Variants in USP34 observed in about 807,000 individuals in gnomAD.
USP34 encodes the protein ubiquitin specific peptidase 34.
Under a neutral mutation model 460.3 loss-of-function variants are expected in USP34, and 70 were observed. The ratio of observed to expected loss-of-function variants is 0.15; its 90% CI spans 0.13 to 0.19. The LOEUF (loss-of-function observed/expected upper bound fraction) is 0.19. Ranked by LOEUF, USP34 falls within the 10% of genes least tolerant of loss-of-function variation. USP34 has a pLI of 1.00. For missense variants in USP34, 3,985 were observed against 4,236.2 expected (o/e 0.94, Z 1.65); for synonymous variants, 1,647 against 1,405.3 (o/e 1.17, Z -3.85).
rs189611159 is a variant in USP34, at chr2:61,234,503, C to T, written c.7032+1342G>A. On this transcript the variant is annotated intron_variant, in intron 57 of 79. Transcript: ENST00000398571. ...GGTGGATAGGTGAATTTTTTTTTGG[C>T]GGGGAGAGTGGGGAAAGAGGAAGTG... Among the ~76,000 whole-genome samples, 15 of 151,554 alleles carry T rather than the reference C, an allele frequency of 9.9e-5. 1 individual carries two copies. In the East Asian group the frequency reaches 2.5e-3, roughly 25 times the overall value.
Position 61,247,805 on chromosome 2 carries a change from A to AT in USP34, c.6394+705dup, listed in dbSNP as rs543659812. On this transcript the variant is annotated intron_variant, in intron 49 of 79. Transcript: ENST00000398571. Reference sequence around the variant, plus strand: ...GGTCCATGTCCTACAACTTATTTTTATTTTTTTGAGACAGAGTCTCGCTCT... The same window carrying AT: ...GGTCCATGTCCTACAACTTATTTTTATTTTTTTTGAGACAGAGTCTCGCTCT... Among the ~76,000 whole-genome samples, 10 of 152,070 alleles carry AT rather than the reference A, an allele frequency of 6.6e-5. No homozygotes were observed. The South Asian group carries it at 1.7e-3, about 25-fold the overall frequency.
chr2:61,440,898 C>G (rs574733974), intron 1 of USP34, among the ~76,000 whole-genome samples: 1 of 151,434 alleles, frequency 6.6e-6, no homozygotes, highest in Non-Finnish European at 1.5e-5. Context: ...GAGGCCGAGA[C>G]GGGTGGATCA....
chr2:61,292,802 T>C (rs1433189554), intron 33 of USP34, among the ~76,000 whole-genome samples: 2 of 152,170 alleles, frequency 1.3e-5, no homozygotes, highest in Non-Finnish European at 2.9e-5. Context: ...TTGTATATCA[T>C]TATTAAGATT....
rs1034567224 is a variant in USP34, at chr2:61,348,475, G to A, written c.1680C>T (p.Ser560=). 3 of 1,607,742 alleles carry A rather than the reference G, an allele frequency of 1.9e-6. No individual in the cohort carries two copies. The highest frequency in any genetic ancestry group is 2.5e-6 in the Non-Finnish European group (3 of 1,177,050). The change falls in exon 15 of 80, where the codon TCC becomes TCT. Residue 560 remains serine, a synonymous_variant. Transcript: ENST00000398571. ...VQQRLSDTEE[S]MQGSSDETAN... is the part of the protein sequence containing the mutation. The stretch of plus-strand genomic sequence containing the variant: ...CAGTTTCGTCAGAACTTCCCTGCAT[G>A]GATTCCTGTATTTTGAAACAAATAG...
At chr2:61,261,126 T>C (rs1688866280) in intron 43 of USP34, among the ~76,000 whole-genome samples, 1 of 152,126 alleles carries the variant, frequency 6.6e-6, no homozygotes, top group Non-Finnish European at 1.5e-5. Context: ...AAACACACAA[T>C]TCCCATATGA....
intron 19 of USP34, among the ~76,000 whole-genome samples, chr2:61,332,187 TAGA>T (rs1001132894): frequency 1.3e-5 from 2 of 152,062 alleles, no homozygotes; most frequent in African/African-American, 4.8e-5. Context: ...GAAGGTTTAT[TAGA>T]AGAATCAAGG....
intron 1 of USP34, among the ~76,000 whole-genome samples, chr2:61,423,826 C>T (rs1362127887): frequency 6.6e-6 from 1 of 152,060 alleles, no homozygotes; most frequent in Non-Finnish European, 1.5e-5. Flanking sequence ...TGGCACATGC[C>T]TATAGTTCTA....
At chr2:61,406,615 A>G (rs145162101) in intron 2 of USP34, among the ~76,000 whole-genome samples, 75 of 151,954 alleles carry the variant, frequency 4.9e-4, no homozygotes, top group African/African-American at 1.7e-3. Flanking sequence ...TGGCAAATCA[A>G]AAGTGTTTAG....
At chr2:61,393,155 G>C (rs1393906980) in intron 5 of USP34, among the ~76,000 whole-genome samples, 1 of 152,114 alleles carries the variant, frequency 6.6e-6, no homozygotes, top group Non-Finnish European at 1.5e-5. Context: ...CTCAGATCAC[G>C]CAAAGTGGCT....
At position 61,288,583 on chromosome 2, in the gene USP34, G is replaced by A; in HGVS notation, c.4749+94C>T. 8.3e-6 allele frequency: 11 copies of A among 1,319,694 alleles called. No homozygotes were observed. In the South Asian group the frequency reaches 1.2e-4, roughly 15 times the overall value. The allele number at this position is 1,319,694 out of a possible 1,614,324, so 81.7% of individuals were successfully genotyped here. A position where few individuals can be genotyped will look rare whatever the true frequency, so the allele number is the denominator to read the frequency against. On this transcript the variant is annotated intron_variant, in intron 34 of 79. Coordinates refer to ENST00000398571, the MANE Select transcript of USP34 (RefSeq NM_014709.4). ...AGTTCAGCTGTCAGGTTAAGTCACA[G>A]TAATCTAGAATACATTTCTTAAGCA... is the stretch of plus-strand genomic sequence containing the variant.
chr2:61,259,886 G>A (rs745818013), intron 43 of USP34, 110 bp from the exon 44 acceptor site: 2 of 934,590 alleles, frequency 2.1e-6, no homozygotes, highest in Non-Finnish European at 3.1e-6. Context: ...TCATTCTTTT[G>A]GCTATATAAA....
chr2:61,395,035 A>T (rs181922165), intron 4 of USP34, 33 bp from the exon 5 acceptor site: 3 of 1,552,226 alleles, frequency 1.9e-6, no homozygotes, highest in Non-Finnish European at 2.6e-6. Flanking sequence ...TCATTATTTG[A>T]AAACGTACAA....
At chr2:61,396,019 T>TACACTCCATC (rs1693512538) in intron 3 of USP34, among the ~76,000 whole-genome samples, 1 of 150,066 alleles carries the variant, frequency 6.7e-6, no homozygotes, top group South Asian at 2.1e-4. Context: ...ATCACGCCAT[T>TACACTCCATC]ACACTCCATC....
chr2:61,286,588 G>A (rs1689697164), intron 34 of USP34, among the ~76,000 whole-genome samples: 1 of 152,146 alleles, frequency 6.6e-6, no homozygotes, highest in South Asian at 2.1e-4. Flanking sequence ...ACGGGAGGCA[G>A]AGGTTGCAGT....
Position 61,378,311 on chromosome 2 carries a change from C to A in USP34, c.1076+52G>T, listed in dbSNP as rs1013622401. ...TAAAAATTAGAATTTACCATATAAACAACTGTACATTAAAATGGTATACTT... is the reference window on the plus strand; with the variant it reads ...TAAAAATTAGAATTTACCATATAAAAAACTGTACATTAAAATGGTATACTT... On this transcript the variant is annotated intron_variant, in intron 8 of 79. Coordinates refer to ENST00000398571, the MANE Select transcript of USP34 (RefSeq NM_014709.4). The A allele has an allele frequency of 3.1e-6, 4 of 1,304,914 alleles. No individual in the cohort carries two copies. The East Asian group carries it at 9.9e-5, about 32-fold the overall frequency. 80.8% of individuals were successfully genotyped at this position (1,304,914 alleles called of 1,614,324 possible). A position where few individuals can be genotyped will look rare whatever the true frequency, so the allele number is the denominator to read the frequency against.
rs576119542 is a variant in USP34, at chr2:61,234,922, C to T, written c.7032+923G>A. Among the ~76,000 whole-genome samples the T allele has an allele frequency of 2.6e-5, 4 of 152,314 alleles. No individual in the cohort carries two copies. In the South Asian group the frequency reaches 8.3e-4, roughly 32 times the overall value. On this transcript the variant is annotated intron_variant, in intron 57 of 79. Coordinates refer to ENST00000398571, the MANE Select transcript of USP34 (RefSeq NM_014709.4). ...AAGTGCTGGGATTACAGGCGTGAGC[C>T]ACCATGCACAGTCCCAAGTTTCTGT... is the stretch of plus-strand genomic sequence containing the variant.
chr2:61,468,939 T>C (rs1191983946), intron 1 of USP34, among the ~76,000 whole-genome samples: 1 of 152,198 alleles, frequency 6.6e-6, no homozygotes, highest in Non-Finnish European at 1.5e-5. Flanking sequence ...CCAGGCGCAG[T>C]GGCTCACGCC....
intron 33 of USP34, 104 bp from the exon 34 acceptor site, chr2:61,288,981 A>G: frequency 8.6e-7 from 1 of 1,167,442 alleles, no homozygotes; most frequent in Middle Eastern, 2.6e-4. Flanking sequence ...AATTATAGCT[A>G]GTACTTAATC....
intron 68 of USP34, among the ~76,000 whole-genome samples, chr2:61,213,045 GAGAC>G (rs1469593981): frequency 1.3e-5 from 2 of 151,808 alleles, no homozygotes; most frequent in African/African-American, 4.8e-5. Flanking sequence ...TTTTTCTTTT[GAGAC>G]AGAGTCTTGC....
Sources: gnomAD v4.1 joint callset for allele counts (sites outside exome capture counted in the v4.1 genomes callset) on GRCh38, gnomAD v4.1.1 for gene constraint, MANE v1.5 for transcripts, NCBI Gene and HGNC (gene_info 2026-07-23, HGNC 2026-07-21) for gene names.